ERC1: variants seen among roughly 807,000 people sequenced by gnomAD.
The protein encoded by ERC1 is ELKS/RAB6-interacting/CAST family member 1.
A neutral mutation model predicts 132.0 loss-of-function variants in ERC1; 56 were observed. That is an observed-to-expected ratio of 0.42 (90% confidence interval 0.34 to 0.53). The LOEUF is 0.53. Ranked by LOEUF, ERC1 falls within the 20% of genes least tolerant of loss-of-function variation. The pLI, the probability that ERC1 is intolerant of heterozygous loss-of-function variation, is 0.03. For synonymous variants in ERC1, 478 were observed against 476.1 expected, an observed-to-expected ratio of 1.00 and a Z score of -0.05; for missense variants, 1,202 against 1,349.9, an observed-to-expected ratio of 0.89 and a Z score of 1.72.
At position 1,341,069 on chromosome 12, in the gene ERC1, C is replaced by CTTTTTTTTTTTTTTTTTTTT. The variant is rs35902573; in HGVS notation, c.2781-30741_2781-30722dup. On this transcript the variant is annotated intron_variant, in intron 15 of 18. Coordinates refer to ENST00000360905, the MANE Select transcript of ERC1 (RefSeq NM_178040.4). ...AATGTCCACTTATTCTTTTCTTTTT[C>CTTTTTTTTTTTTTTTTTTTT]TTTTTTTTTTTTTTTTTTTTTTTTT... Among the ~76,000 whole-genome samples the CTTTTTTTTTTTTTTTTTTTT allele has an allele frequency of 3.9e-3, 246 of 63,136 alleles. 61 individuals are homozygous for CTTTTTTTTTTTTTTTTTTTT. Among genetic ancestry groups the CTTTTTTTTTTTTTTTTTTTT allele is most frequent in the East Asian group, 0.011 (15 of 1,372 alleles). 41.4% of individuals were successfully genotyped at this position (63,136 alleles called of 152,430 possible).
chr12:1,342,733 T>C (rs2084043496), intron 15 of ERC1, among the ~76,000 whole-genome samples: 1 of 152,156 alleles, frequency 6.6e-6, no homozygotes, highest in African/African-American at 2.4e-5. Flanking sequence ...TTAATATTAA[T>C]GTGTATTTGA....
intron 17 of ERC1, among the ~76,000 whole-genome samples, chr12:1,424,044 G>A (rs2092526152): frequency 1.3e-5 from 2 of 151,616 alleles, no homozygotes; most frequent in African/African-American, 4.9e-5. Context: ...ACGTGTGTGT[G>A]TGTGTGTATG....
intron 16 of ERC1, among the ~76,000 whole-genome samples, chr12:1,404,532 G>C (rs892998327): frequency 6.6e-6 from 1 of 152,304 alleles, no homozygotes; most frequent in South Asian, 2.1e-4. Context: ...TTTCTCTTTT[G>C]AGTGAGACAC....
At chr12:1,301,644 ACT>A (rs932155198) in intron 15 of ERC1, among the ~76,000 whole-genome samples, 19 of 152,090 alleles carry the variant, frequency 1.2e-4, no homozygotes, top group South Asian at 4.2e-4. Flanking sequence ...GGAACAACAG[ACT>A]CTGAGGTCTA....
chr12:1,062,797 A>C (rs1938280648), intron 2 of ERC1, among the ~76,000 whole-genome samples: 2 of 152,148 alleles, frequency 1.3e-5, no homozygotes. Context: ...TTCAGTGGTG[A>C]AAGTGGGGTG....
At chr12:1,421,691 G>A (rs2092435439) in intron 17 of ERC1, among the ~76,000 whole-genome samples, 1 of 152,086 alleles carries the variant, frequency 6.6e-6, no homozygotes, top group Non-Finnish European at 1.5e-5. Flanking sequence ...CCAGCTACAT[G>A]ACTCTTGATG....
rs192954158 is a variant in ERC1 at position 1,023,652 on chromosome 12, T to G, written c.-156-4096T>G. Among the ~76,000 whole-genome samples the G allele has an allele frequency of 1.3e-4, 20 of 152,282 alleles. 1 individual carries two copies. In the East Asian group the frequency reaches 3.7e-3, roughly 28 times the overall value. ...AGCTGGTGGAGGCAGGGAGAAAGGATTTCTTAAGGATGATATTGTAGTGTG... is the reference window on the plus strand; with the variant it reads ...AGCTGGTGGAGGCAGGGAGAAAGGAGTTCTTAAGGATGATATTGTAGTGTG... On this transcript the variant is annotated intron_variant, in intron 1 of 18. Coordinates refer to ENST00000360905, the MANE Select transcript of ERC1 (RefSeq NM_178040.4).
At chr12:1,357,195 A>G (rs1178166449) in intron 15 of ERC1, among the ~76,000 whole-genome samples, 1 of 152,190 alleles carries the variant, frequency 6.6e-6, no homozygotes, top group African/African-American at 2.4e-5. Context: ...TGGCTATTTT[A>G]TGAGATCAAG....
intron 14 of ERC1, among the ~76,000 whole-genome samples, chr12:1,270,824 G>C (rs144339563): frequency 1.8e-3 from 270 of 151,966 alleles, no homozygotes; most frequent in African/African-American, 6.2e-3. Context: ...GACAGGATCT[G>C]TGCAAGCCAT....
chr12:1,029,520 GTA>G (rs1270831128), intron 2 of ERC1, among the ~76,000 whole-genome samples: 9 of 152,188 alleles, frequency 5.9e-5, no homozygotes, highest in African/African-American at 2.2e-4. Flanking sequence ...TTGTTTACTT[GTA>G]GAAAATAAAT....
intron 4 of ERC1, among the ~76,000 whole-genome samples, chr12:1,106,667 G>C (rs1945299385): frequency 6.6e-6 from 1 of 151,876 alleles, no homozygotes; most frequent in East Asian, 1.9e-4. Context: ...TCGTTCAGTT[G>C]CATGGTTTTA....
intron 17 of ERC1, among the ~76,000 whole-genome samples, chr12:1,418,622 T>C (rs1224014356): frequency 4.0e-5 from 5 of 125,596 alleles, no homozygotes. Flanking sequence ...TTTCTTTCTT[T>C]CTTTCTTTCT....
intron 17 of ERC1, 33 bp downstream of exon 17, chr12:1,408,280 C>A (rs1349635450): frequency 3.4e-6 from 5 of 1,490,104 alleles, no homozygotes; most frequent in Non-Finnish European, 3.7e-6. Context: ...TATTAAAAAA[C>A]CCACACACTT....
intron 2 of ERC1, among the ~76,000 whole-genome samples, chr12:1,074,379 C>T (rs1940988551): frequency 6.6e-6 from 1 of 152,078 alleles, no homozygotes; most frequent in Non-Finnish European, 1.5e-5. Context: ...GTGATCTTGG[C>T]ATCCTCCAAC....
intron 7 of ERC1, among the ~76,000 whole-genome samples, chr12:1,135,617 G>C (rs1050915062): frequency 6.6e-6 from 1 of 152,134 alleles, no homozygotes; most frequent in African/African-American, 2.4e-5. Flanking sequence ...TGCAATGACT[G>C]GAGTCCTTAT....
At chr12:1,200,966 ATT>A (rs1956858538) in intron 12 of ERC1, among the ~76,000 whole-genome samples, 1 of 152,018 alleles carries the variant, frequency 6.6e-6, no homozygotes, top group Non-Finnish European at 1.5e-5. Flanking sequence ...ATATTTTTAT[ATT>A]TCTTTTATAT....
intron 1 of ERC1, among the ~76,000 whole-genome samples, chr12:1,016,990 G>A (rs1965626381): frequency 6.7e-6 from 1 of 149,378 alleles, no homozygotes; most frequent in Non-Finnish European, 1.5e-5. Context: ...TGGAATTTTT[G>A]AATATTTTTA....
At chr12:1,220,788 A>C (rs367885508) in intron 12 of ERC1, among the ~76,000 whole-genome samples, 2 of 152,234 alleles carry the variant, frequency 1.3e-5, no homozygotes, top group African/African-American at 4.8e-5. Flanking sequence ...TTACAAGGGA[A>C]GTTTGCTAAC....
chr12:1,336,099 G>C (rs190523575), intron 15 of ERC1, among the ~76,000 whole-genome samples: 351 of 151,974 alleles, frequency 2.3e-3, no homozygotes, highest in African/African-American at 8.0e-3. Context: ...CTGTGGGTTC[G>C]GTAATAATAT....
Sources: allele counts gnomAD v4.1 joint callset (sites outside exome capture counted in the v4.1 genomes callset), GRCh38; gene constraint gnomAD v4.1.1; transcripts MANE v1.5; gene names NCBI Gene and HGNC (gene_info 2026-07-23, HGNC 2026-07-21).